The following SUSD4 variants were observed in gnomAD, a reference collection of about 807,000 sequenced individuals.
SUSD4 encodes sushi domain-containing protein 4.
Under a neutral mutation model 50.5 loss-of-function variants are expected in SUSD4, and 41 were observed. That is an observed-to-expected ratio of 0.81 (90% CI 0.63 to 1.05). The LOEUF is 1.05. Among genes scored for constraint, SUSD4 ranks in the 50% least tolerant of loss-of-function variants. The pLI is 0.00. For synonymous variants in SUSD4, 257 were observed against 257.3 expected, an observed-to-expected ratio of 1.00 and a Z score of 0.01; for missense variants, 580 against 634.7, an observed-to-expected ratio of 0.91 and a Z score of 0.93.
At chr1:223,266,455 G>A (rs1202011842) in intron 4 of SUSD4, among the ~76,000 whole-genome samples, 1 of 152,174 alleles carries the variant, frequency 6.6e-6, no homozygotes, top group African/African-American at 2.4e-5. Context: ...TGGCACAAAT[G>A]ATTGTGCTCG....
chr1:223,243,074 C>T (rs1660691343), intron 5 of SUSD4, among the ~76,000 whole-genome samples: 1 of 152,106 alleles, frequency 6.6e-6, no homozygotes, highest in Non-Finnish European at 1.5e-5. Flanking sequence ...AGATGCTCCC[C>T]ATGATGGGCA....
intron 5 of SUSD4, among the ~76,000 whole-genome samples, chr1:223,256,118 C>G (rs1372559715): frequency 6.6e-6 from 1 of 152,192 alleles, no homozygotes; most frequent in African/African-American, 2.4e-5. Flanking sequence ...TACAGTGTAG[C>G]TTGGGGCAGA....
intron 5 of SUSD4, among the ~76,000 whole-genome samples, chr1:223,248,267 A>C (rs921374092): frequency 2.6e-5 from 4 of 152,228 alleles, no homozygotes; most frequent in African/African-American, 9.6e-5. Flanking sequence ...TACTGAGTGC[A>C]AAGGCATCGC....
intron 3 of SUSD4, among the ~76,000 whole-genome samples, chr1:223,268,941 T>G (rs987642206): frequency 1.4e-4 from 21 of 152,178 alleles, no homozygotes; most frequent in African/African-American, 4.8e-4. Context: ...CCTGTGACAC[T>G]TCAAACCGTA....
chr1:223,279,845 T>C (rs945194389), intron 3 of SUSD4, among the ~76,000 whole-genome samples: 4 of 152,172 alleles, frequency 2.6e-5, no homozygotes, highest in African/African-American at 4.8e-5. Flanking sequence ...AGAGAAAGGT[T>C]AGGTTACCCA....
intron 2 of SUSD4, among the ~76,000 whole-genome samples, chr1:223,360,995 G>A (rs551330875): frequency 9.6e-4 from 147 of 152,334 alleles, no homozygotes; most frequent in African/African-American, 3.3e-3. Context: ...TAATCAAAGT[G>A]TGGTCCTTGG....
chr1:223,280,879 C>T (rs979088912), intron 3 of SUSD4, among the ~76,000 whole-genome samples: 3 of 152,194 alleles, frequency 2.0e-5, no homozygotes, highest in Admixed American at 6.5e-5. Flanking sequence ...GAAATTATAA[C>T]AAACTATCTC....
At chr1:223,225,897 G>A (rs540655968) in intron 7 of SUSD4, among the ~76,000 whole-genome samples, 1 of 152,212 alleles carries the variant, frequency 6.6e-6, no homozygotes, top group East Asian at 1.9e-4. Flanking sequence ...GTCCATTCTT[G>A]GTTTGCCCTT....
At chr1:223,292,056 C>T (rs1664526077) in intron 3 of SUSD4, among the ~76,000 whole-genome samples, 1 of 152,188 alleles carries the variant, frequency 6.6e-6, no homozygotes, top group African/African-American at 2.4e-5. Context: ...GAGTAATGCA[C>T]ATCTTCTGTA....
chr1:223,299,595 G>T (rs1216291480), intron 2 of SUSD4, among the ~76,000 whole-genome samples: 1 of 152,058 alleles, frequency 6.6e-6, no homozygotes, highest in African/African-American at 2.4e-5. Context: ...TGGGCCACAG[G>T]GTACTCAGAC....
At chr1:223,247,833 C>T (rs1661042530) in intron 5 of SUSD4, among the ~76,000 whole-genome samples, 1 of 152,106 alleles carries the variant, frequency 6.6e-6, no homozygotes, top group Admixed American at 6.6e-5. Context: ...AGCACCGTCC[C>T]CACAGTTGCA....
chr1:223,314,141 T>C (rs1666039325), intron 2 of SUSD4, among the ~76,000 whole-genome samples: 1 of 152,220 alleles, frequency 6.6e-6, no homozygotes, highest in East Asian at 1.9e-4. Flanking sequence ...GATCCAAGAA[T>C]CCTCTCTTGG....
At chr1:223,356,791 T>C (rs188547845) in intron 2 of SUSD4, among the ~76,000 whole-genome samples, 2 of 152,266 alleles carry the variant, frequency 1.3e-5, no homozygotes, top group East Asian at 3.9e-4. Flanking sequence ...TCTTGAAATT[T>C]AACAAACAAC....
chr1:223,357,472 C>A (rs1036046213), intron 2 of SUSD4, among the ~76,000 whole-genome samples: 1 of 152,112 alleles, frequency 6.6e-6, no homozygotes, highest in Non-Finnish European at 1.5e-5. Flanking sequence ...GTCACCATGC[C>A]CCACTTGTAA....
intron 2 of SUSD4, among the ~76,000 whole-genome samples, chr1:223,310,859 T>C (rs1375355934): frequency 1.3e-5 from 2 of 152,260 alleles, no homozygotes; most frequent in Non-Finnish European, 2.9e-5. Flanking sequence ...GAGGTGCCTC[T>C]AGAGGCATGT....
intron 5 of SUSD4, among the ~76,000 whole-genome samples, chr1:223,257,703 T>C (rs183463165): frequency 5.9e-5 from 9 of 152,270 alleles, no homozygotes; most frequent in Admixed American, 5.9e-4. Flanking sequence ...TGCAGAATAG[T>C]TTCAAGTTTA....
chr1:223,302,737 C>G (rs1665273664), intron 2 of SUSD4, among the ~76,000 whole-genome samples: 1 of 152,170 alleles, frequency 6.6e-6, no homozygotes. Flanking sequence ...AGAGATGGAG[C>G]AGAAGAAAAG....
At chr1:223,298,524 C>G (rs1456991835) in intron 2 of SUSD4, among the ~76,000 whole-genome samples, 1 of 152,170 alleles carries the variant, frequency 6.6e-6, no homozygotes, top group African/African-American at 2.4e-5. Flanking sequence ...ACTGAGACAT[C>G]TAAGTTCCCC....
At chr1:223,230,372 C>T (rs949333183) in intron 5 of SUSD4, among the ~76,000 whole-genome samples, 1 of 151,808 alleles carries the variant, frequency 6.6e-6, no homozygotes, top group African/African-American at 2.4e-5. Context: ...CTCACAGAAA[C>T]CAGTAAGAAT....
Sources: gnomAD v4.1 joint callset for allele counts (sites outside exome capture counted in the v4.1 genomes callset) on GRCh38, gnomAD v4.1.1 for gene constraint, MANE v1.5 for transcripts, NCBI Gene and HGNC (gene_info 2026-07-23, HGNC 2026-07-21) for gene names.